The following KIF26B variants were observed in gnomAD, a reference collection of about 807,000 sequenced individuals.
The protein encoded by KIF26B is kinesin family member 26B.
A neutral mutation model predicts 151.2 loss-of-function variants in KIF26B; 63 were observed. That is an observed-to-expected ratio of 0.42 (90% CI 0.34 to 0.51). The LOEUF is 0.51. Ranked by LOEUF, KIF26B falls within the 20% of genes least tolerant of loss-of-function variation. The pLI is 0.07. For missense variants in KIF26B, 2,813 were observed against 2,913.6 expected (o/e 0.97, Z 0.79); for synonymous variants, 1,357 against 1,262.1 (o/e 1.08, Z -1.59).
chr1:245,700,240 G>C (rs1338782158), intron 14 of KIF26B, among the ~76,000 whole-genome samples: 2 of 152,182 alleles, frequency 1.3e-5, no homozygotes, highest in African/African-American at 4.8e-5. Context: ...TTCCTTAGCT[G>C]TAAAATGGGA....
intron 2 of KIF26B, among the ~76,000 whole-genome samples, chr1:245,346,969 A>G (rs1558397183): frequency 6.6e-6 from 1 of 152,082 alleles, no homozygotes; most frequent in Non-Finnish European, 1.5e-5. Flanking sequence ...TTATAACATT[A>G]ACTTCTTTAC....
At chr1:245,692,649 C>T (rs1379125566) in intron 12 of KIF26B, among the ~76,000 whole-genome samples, 1 of 152,174 alleles carries the variant, frequency 6.6e-6, no homozygotes, top group Non-Finnish European at 1.5e-5. Flanking sequence ...GCCACAGTCA[C>T]ACCTGGAACA....
intron 2 of KIF26B, among the ~76,000 whole-genome samples, chr1:245,161,693 A>G (rs1225411357): frequency 1.3e-5 from 2 of 152,096 alleles, no homozygotes; most frequent in African/African-American, 4.8e-5. Flanking sequence ...TTTCTTTTTT[A>G]CCCTGGAATT....
chr1:245,623,252 C>T (rs1312639064), intron 9 of KIF26B, among the ~76,000 whole-genome samples: 1 of 152,010 alleles, frequency 6.6e-6, no homozygotes. Flanking sequence ...TTCCTGTCTC[C>T]AGACCCAGGA....
intron 2 of KIF26B, among the ~76,000 whole-genome samples, chr1:245,281,780 T>C (rs139598586): frequency 6.6e-6 from 1 of 152,132 alleles, no homozygotes; most frequent in South Asian, 2.1e-4. Context: ...ATTGATTTTT[T>C]ATAAGGTGTA....
In KIF26B at chr1:245,215,469, C is replaced by G. The variant is rs75223278; in HGVS notation, c.465+58786C>G. On this transcript the variant is annotated intron_variant, in intron 2 of 14. Transcript: ENST00000407071. ...TCTGAGACATGAAGCAGATGCTGCT[C>G]CTCAGGGCCTGTGGAGAGAGAACTC... Among the ~76,000 whole-genome samples, 29 of 152,268 alleles carry G rather than the reference C, an allele frequency of 1.9e-4. No homozygotes were observed. The East Asian group carries it at 4.6e-3, about 24-fold the overall frequency.
chr1:245,156,821 C>T (rs949260502), intron 2 of KIF26B, 138 bp downstream of exon 2: 9 of 484,936 alleles, frequency 1.9e-5, no homozygotes, highest in Admixed American at 4.6e-5. Context: ...GGATGCTCCA[C>T]ACCTCACGGG....
chr1:245,176,537 A>G (rs933117018), intron 2 of KIF26B, among the ~76,000 whole-genome samples: 2 of 152,014 alleles, frequency 1.3e-5, no homozygotes, highest in African/African-American at 4.8e-5. Context: ...GGAGGGATGA[A>G]AGCTACCAAA....
At chr1:245,372,732 G>T (rs1673157135) in intron 3 of KIF26B, among the ~76,000 whole-genome samples, 1 of 152,202 alleles carries the variant, frequency 6.6e-6, no homozygotes, top group Non-Finnish European at 1.5e-5. Flanking sequence ...AGGAAAGACT[G>T]TACACATAAC....
chr1:245,313,321 T>C (rs993728276), intron 2 of KIF26B, among the ~76,000 whole-genome samples: 1 of 152,208 alleles, frequency 6.6e-6, no homozygotes, highest in African/African-American at 2.4e-5. Context: ...CCAGGGAAGA[T>C]CTCATGACTT....
intron 10 of KIF26B, among the ~76,000 whole-genome samples, chr1:245,662,782 C>T (rs1340545838): frequency 1.0e-4 from 2 of 19,714 alleles, no homozygotes; most frequent in African/African-American, 3.4e-4. Context: ...CACATGCATG[C>T]CCTGGGTATA....
In KIF26B at chr1:245,519,080, A is replaced by G. The variant is rs1309823989; in HGVS notation, c.1167-21687A>G. Among the ~76,000 whole-genome samples the G allele has an allele frequency of 2.0e-5, 3 of 152,242 alleles. No homozygotes were observed. In the East Asian group the frequency reaches 5.8e-4, roughly 29 times the overall value. On this transcript the variant is annotated intron_variant, in intron 4 of 14. Transcript: ENST00000407071. The stretch of plus-strand genomic sequence containing the variant: ...AGGTAAATAATACACATAGGAAGTT[A>G]TTTTAAAAATATAATGAGAGTTATT...
chr1:245,237,222 A>G (rs1558356936), intron 2 of KIF26B, among the ~76,000 whole-genome samples: 1 of 152,158 alleles, frequency 6.6e-6, no homozygotes, highest in Non-Finnish European at 1.5e-5. Flanking sequence ...AGACAGATGT[A>G]ACTTACAGCT....
At chr1:245,193,668 T>C (rs1669146964) in intron 2 of KIF26B, among the ~76,000 whole-genome samples, 1 of 152,260 alleles carries the variant, frequency 6.6e-6, no homozygotes. Flanking sequence ...ATGTAGGTAC[T>C]GTTATCATCC....
intron 4 of KIF26B, among the ~76,000 whole-genome samples, chr1:245,474,022 AT>A (rs1222326557): frequency 6.6e-6 from 1 of 151,604 alleles, no homozygotes; most frequent in Non-Finnish European, 1.5e-5. Flanking sequence ...TGCTAGAAAC[AT>A]TTGAGTTCTT....
chr1:245,463,574 GCA>G (rs1558176027), intron 4 of KIF26B, among the ~76,000 whole-genome samples: 1 of 152,138 alleles, frequency 6.6e-6, no homozygotes, highest in East Asian at 1.9e-4. Context: ...GGTCAGCTCC[GCA>G]CACACTTCCT....
intron 4 of KIF26B, among the ~76,000 whole-genome samples, chr1:245,487,722 C>T (rs1033135897): frequency 4.6e-5 from 7 of 151,538 alleles, no homozygotes; most frequent in Non-Finnish European, 8.8e-5. Context: ...CTACGCCTCC[C>T]GAGTAGCTAG....
rs2042985572 is a variant in KIF26B, at chr1:245,564,270, C to T, written c.1350+23320C>T. Among the ~76,000 whole-genome samples, 2 of 152,146 alleles carry T rather than the reference C, an allele frequency of 1.3e-5. No individual in the cohort carries two copies. The highest frequency in any genetic ancestry group is 2.9e-5 in the Non-Finnish European group (2 of 68,040). On this transcript the variant is annotated intron_variant, in intron 5 of 14. Coordinates refer to ENST00000407071, the MANE Select transcript of KIF26B (RefSeq NM_018012.4). This position sits in a 1 kb window ranked among gnomAD's most constrained non-coding sequence, Gnocchi z 4.6. ...TTTCTGCGATACACACTGTCACTTTCCCTGGGAACAGATTCGACCTGGGCA... is the reference window on the plus strand; with the variant it reads ...TTTCTGCGATACACACTGTCACTTTTCCTGGGAACAGATTCGACCTGGGCA...
rs556165531 is a variant in KIF26B at position 245,548,349 on chromosome 1, C to T, written c.1350+7399C>T. Among the ~76,000 whole-genome samples the T allele has an allele frequency of 5.3e-5, 8 of 152,164 alleles. No individual in the cohort carries two copies. In the South Asian group the frequency reaches 1.2e-3, roughly 24 times the overall value. On this transcript the variant is annotated intron_variant, in intron 5 of 14. Transcript: ENST00000407071. ...GGGGCGCTGAGCACTGTGTAGGGTCCGTCCTGAAAGAGGCAGCTGCAAAAA... is the reference window on the plus strand; with the variant it reads ...GGGGCGCTGAGCACTGTGTAGGGTCTGTCCTGAAAGAGGCAGCTGCAAAAA...
Sources: gnomAD v4.1 joint callset for allele counts (sites outside exome capture counted in the v4.1 genomes callset) on GRCh38, gnomAD v4.1.1 for gene constraint, Gnocchi (gnomAD v3.1) non-coding constraint, MANE v1.5 for transcripts, NCBI Gene and HGNC (gene_info 2026-07-23, HGNC 2026-07-21) for gene names.